PIGO: variants seen among roughly 807,000 people sequenced by gnomAD.
PIGO encodes phosphatidylinositol glycan anchor biosynthesis class O.
Under a neutral mutation model 86.9 loss-of-function variants are expected in PIGO, and 66 were observed. The ratio of observed to expected loss-of-function variants is 0.76; its 90% CI spans 0.62 to 0.93. The LOEUF (loss-of-function observed/expected upper bound fraction) is 0.93. Among genes scored for constraint, PIGO ranks in the 40% least tolerant of loss-of-function variants. The probability of loss-of-function intolerance (pLI) is 0.00; values close to 1 mark genes in which losing one functional copy is unlikely to be tolerated. For synonymous variants in PIGO, 570 were observed against 556.4 expected (o/e 1.02, Z -0.34); for missense variants, 1,202 against 1,359.1 (o/e 0.88, Z 1.82).
Position 35,089,011 on chromosome 9 carries a change from GATCATCC to G in PIGO, c.*74_*80del. 1 of 1,572,512 alleles carries G rather than the reference GATCATCC, an allele frequency of 6.4e-7. No individual in the cohort carries two copies. Reference sequence around the variant, plus strand: ...AGAGTATGGCTGAGCCTGTCTTGCAGATCATCCAGTACCTGTACAGGCCAGGCTACAC... The same window carrying G: ...AGAGTATGGCTGAGCCTGTCTTGCAGAGTACCTGTACAGGCCAGGCTACAC... On this transcript the variant is annotated 3_prime_UTR_variant, in exon 11 of 11. Transcript: ENST00000378617.
intron 8 of PIGO, 56 bp downstream of exon 8, chr9:35,090,410 T>C: frequency 6.4e-7 from 1 of 1,563,750 alleles, no homozygotes; most frequent in Non-Finnish European, 8.7e-7. Flanking sequence ...AGGGGTTTCC[T>C]TTCTTTCCAC....
At position 35,090,642 on chromosome 9, in the gene PIGO, G is replaced by A. The variant is rs1220682305; in HGVS notation, c.2678C>T (p.Ser893Leu). Reference protein sequence around the residue: ...GPFTVPWQAVSAWALMATQTF... With the variant: ...GPFTVPWQAVLAWALMATQTF... ...CTGTGTGGCCATGAGGGCCCAAGCC[G>A]AGACTGCCTGCCATGGCACAGTAAA... is the stretch of plus-strand genomic sequence containing the variant. The change falls in exon 8 of 11, where the codon TCG becomes TTG. Residue 893 changes from serine to leucine, a missense_variant. Coordinates refer to ENST00000378617, the MANE Select transcript of PIGO (RefSeq NM_032634.4). 8.1e-6 allele frequency: 13 copies of A among 1,614,142 alleles called. No homozygotes were observed. Among genetic ancestry groups the A allele is most frequent in the South Asian group, 1.1e-5 (1 of 91,074 alleles).
Position 35,093,489 on chromosome 9 carries a change from C to T in PIGO, c.871G>A (p.Glu291Lys), listed in dbSNP as rs750419706. The change falls in exon 5 of 11, where the codon GAG becomes AAG. Residue 291 changes from glutamate (E) to lysine (K), a missense_variant. Physicochemically the swap from Glu to Lys is moderately conservative, Grantham distance 56 (BLOSUM62 1). Transcript: ENST00000378617. ...TTNGDHGGDSELEVSAALFLY... is the reference protein window; with the variant it reads ...TTNGDHGGDSKLEVSAALFLY... ...AAGAGAGCAGCTGAGACCTCCAGCT[C>T]ACTGTCCCCTCCATGGTCTCCATTT... 2 of 1,614,146 alleles carry T rather than the reference C, an allele frequency of 1.2e-6. No homozygotes were observed. Among genetic ancestry groups the T allele is most frequent in the Non-Finnish European group, 1.7e-6 (2 of 1,180,016 alleles).
At position 35,094,209 on chromosome 9, in the gene PIGO, T is replaced by G. The variant is rs118002220; in HGVS notation, c.655+7A>C. 5.3e-4 allele frequency: 836 copies of G among 1,588,294 alleles called. No homozygotes were observed. Among genetic ancestry groups the G allele is most frequent in the South Asian group, 1.2e-3 (108 of 87,304 alleles). On this transcript the variant is annotated splice_region_variant and intron_variant, in intron 3 of 10. Transcript: ENST00000378617. ...CTTAGAACTAAGTGCTCTGGCCCCA[T>G]GCTCACTGGTGGGGTAGAGGTGTTC...
rs1297167899 is a variant in PIGO at position 35,092,933 on chromosome 9, G to A, written c.1119+97C>T. ...CGGAAGAGGGATAGGTATGGAAGGT[G>A]GGACTAAGACTAGTCAAAGGACAAA... is the stretch of plus-strand genomic sequence containing the variant. On this transcript the variant is annotated intron_variant, in intron 6 of 10. Transcript: ENST00000378617. 1.6e-5 allele frequency: 23 copies of A among 1,430,406 alleles called. 1 individual carries two copies. The highest frequency in any genetic ancestry group is 5.1e-4 in the Middle Eastern group (2 of 3,954). The allele number at this position is 1,430,406 out of a possible 1,614,324, so 88.6% of individuals were successfully genotyped here. A position where few individuals can be genotyped will look rare whatever the true frequency, so the allele number is the denominator to read the frequency against.
At position 35,095,052 on chromosome 9, in the gene PIGO, G is replaced by T; in HGVS notation, c.511+3C>A. On this transcript the variant is annotated splice_donor_region_variant and intron_variant, in intron 2 of 10. Coordinates refer to ENST00000378617, the MANE Select transcript of PIGO (RefSeq NM_032634.4). ...TCTGGCCTTCAAAGTGGCCCACACT[G>T]ACCTGCACTGGTGAGCTGCTTAATG... The T allele has an allele frequency of 1.3e-6, 2 of 1,592,070 alleles. No individual in the cohort carries two copies. The highest frequency in any genetic ancestry group is 2.3e-5 in the South Asian group (2 of 88,124).
At chr9:35,092,819 G>A in intron 6 of PIGO, 52 bp from the exon 7 acceptor site, 6 of 1,497,568 alleles carry the variant, frequency 4.0e-6, no homozygotes, top group Non-Finnish European at 5.4e-6. Flanking sequence ...GACATAAATT[G>A]GGGCAGAGGC....
At position 35,090,042 on chromosome 9, in the gene PIGO, C is replaced by G. The variant is rs1434066124; in HGVS notation, c.3069+24G>C. 3 of 1,598,962 alleles carry G rather than the reference C, an allele frequency of 1.9e-6. No individual in the cohort carries two copies. The South Asian group carries it at 3.3e-5, about 18-fold the overall frequency. ...CACACACAGAGAAAAAACACCAACT[C>G]CCTGATCTCTCTCCTACACCCACCT... On this transcript the variant is annotated intron_variant, in intron 9 of 10. Coordinates refer to ENST00000378617, the MANE Select transcript of PIGO (RefSeq NM_032634.4).
Position 35,091,963 on chromosome 9 carries a change from G to C in PIGO, c.1924C>G (p.Pro642Ala). Residue 642 changes from proline to alanine, a missense_variant, in exon 7 of 11, where the codon CCT (proline) becomes GCT (alanine). Transcript: ENST00000378617. ...TRLAGLFHRC[P>A]EETPVCHSSP... The stretch of plus-strand genomic sequence containing the variant: ...GAGTGGCAAACAGGTGTCTCTTCAG[G>C]GCAACGATGAAAAAGCCCAGCTAGC... 5 of 1,614,158 alleles carry C rather than the reference G, an allele frequency of 3.1e-6. No homozygotes were observed. The highest frequency in any genetic ancestry group is 4.2e-6 in the Non-Finnish European group (5 of 1,180,040).
At position 35,096,350 on chromosome 9, in the gene PIGO, C is replaced by G. The variant is rs892614316; in HGVS notation, c.-197G>C. 6.6e-6 allele frequency: 1 copy of G among 152,246 alleles called. No homozygotes were observed. The highest frequency in any genetic ancestry group is 1.9e-4 in the East Asian group (1 of 5,184). The allele number at this position is 152,246 out of a possible 1,614,324, so 9.4% of individuals were successfully genotyped here. A position where few individuals can be genotyped will look rare whatever the true frequency, so the allele number is the denominator to read the frequency against. ...GCACGACCTTCGCCACGCAAGGAGG[C>G]TGGGGCCCGGGTCGAGAGTCGACTG... On this transcript the variant is annotated 5_prime_UTR_variant, in exon 1 of 11. Coordinates refer to ENST00000378617, the MANE Select transcript of PIGO (RefSeq NM_032634.4).
intron 9 of PIGO, 36 bp from the exon 10 acceptor site, chr9:35,089,486 A>T: frequency 6.2e-7 from 1 of 1,613,868 alleles, no homozygotes; most frequent in Non-Finnish European, 8.5e-7. Context: ...TTACTTGTGA[A>T]GGAGAGGAGG....
Position 35,093,034 on chromosome 9 carries a change from T to C in PIGO, c.1115A>G (p.Gln372Arg), listed in dbSNP as rs773152918. ...AAACCCAGCCCGCTTACCTACCTGC[T>C]GAGCATTGAGATGGAGAGCTGAGGC... is the stretch of plus-strand genomic sequence containing the variant. ...AQASALHLNA[Q>R]QVSRFLHTYS... The change falls in exon 6 of 11, where the codon CAG becomes CGG. Residue 372 changes from glutamine (Q) to arginine (R), a missense_variant. Physicochemically the swap from Gln to Arg is conservative, Grantham distance 43. Transcript: ENST00000378617. The C allele has an allele frequency of 6.2e-6, 10 of 1,605,106 alleles. No homozygotes were observed. In the East Asian group the frequency reaches 2.2e-4, roughly 36 times the overall value.
In PIGO at chr9:35,093,583, G is replaced by A; in HGVS notation, c.780-3C>T. 2 of 1,596,804 alleles carry A rather than the reference G, an allele frequency of 1.3e-6. No individual in the cohort carries two copies. Among genetic ancestry groups the A allele is most frequent in the Non-Finnish European group, 1.7e-6 (2 of 1,172,922 alleles). ...TCTCCAGACGCTCCACAAGTCCCCT[G>A]GGGGCCAATAAATGTGTCAGGAGTA... On this transcript the variant is annotated splice_region_variant and splice_polypyrimidine_tract_variant and intron_variant, in intron 4 of 10. Coordinates refer to ENST00000378617, the MANE Select transcript of PIGO (RefSeq NM_032634.4).
At chr9:35,089,839 T>C in intron 9 of PIGO, 1 of 1,407,712 alleles carries the variant, frequency 7.1e-7, no homozygotes, top group Non-Finnish European at 9.2e-7. Flanking sequence ...CAAATGCAAC[T>C]AGCGGGGTCC....
chr9:35,090,438 T>C (rs1166947011), intron 8 of PIGO, 28 bp downstream of exon 8: 4 of 1,594,282 alleles, frequency 2.5e-6, no homozygotes, highest in Non-Finnish European at 1.7e-6. Flanking sequence ...GAGTAAACAA[T>C]GGAAGCAAGT....
chr9:35,092,556 G>A lies in PIGO; in HGVS notation c.1331C>T (p.Ala444Val). ...CGCCATGCGGACCAGAGAGAAACGA[G>A]CCCAAGACTCGATGCACATGGCCCG... Reference protein sequence around the residue: ...GARAMCIESWARFSLVRMAGG... With the variant: ...GARAMCIESWVRFSLVRMAGG... The change falls in exon 7 of 11, where the codon GCT (alanine) becomes GTT (valine). Residue 444 changes from alanine to valine, a missense_variant. Ala to Val is a moderately conservative substitution (Grantham distance 64). Coordinates refer to ENST00000378617, the MANE Select transcript of PIGO (RefSeq NM_032634.4). The A allele has an allele frequency of 2.5e-6, 4 of 1,614,222 alleles. No homozygotes were observed. Among genetic ancestry groups the A allele is most frequent in the Non-Finnish European group, 3.4e-6 (4 of 1,180,028 alleles).
Position 35,090,154 on chromosome 9 carries a change from A to G in PIGO, c.2981T>C (p.Met994Thr), listed in dbSNP as rs147155365. The change falls in exon 9 of 11, where the codon ATG (methionine) becomes ACG (threonine). Residue 994 changes from methionine (M) to threonine (T), a missense_variant. Coordinates refer to ENST00000378617, the MANE Select transcript of PIGO (RefSeq NM_032634.4). Reference protein sequence around the residue: ...VRPEEEEEPLMEMRLRDAPQH... With the variant: ...VRPEEEEEPLTEMRLRDAPQH... ...AGGCGCATCCCGGAGCCGCATCTCC[A>G]TCAGTGGCTCCTCTTCCTCCTCGGG... 3.7e-6 allele frequency: 6 copies of G among 1,614,144 alleles called. No individual in the cohort carries two copies. In the African/African-American group the frequency reaches 6.7e-5, roughly 18 times the overall value.
In PIGO at chr9:35,091,848, A is replaced by G. The variant is rs766592273; in HGVS notation, c.2039T>C (p.Leu680Pro). Reference sequence around the variant, plus strand: ...AAGCCACAAGCGCACGGCAGCTAACAGGGCCACCAGCGCCGCCACACAAGC... The same window carrying G: ...AAGCCACAAGCGCACGGCAGCTAACGGGGCCACCAGCGCCGCCACACAAGC... ...YGACVAALVA[L>P]LAAVRLWLRR... The change falls in exon 7 of 11, where the codon CTG (leucine) becomes CCG (proline). Residue 680 changes from leucine (L) to proline (P), a missense_variant. Coordinates refer to ENST00000378617, the MANE Select transcript of PIGO (RefSeq NM_032634.4). 1.5e-5 allele frequency: 25 copies of G among 1,613,996 alleles called. No homozygotes were observed. The highest frequency in any genetic ancestry group is 1.9e-5 in the Non-Finnish European group (23 of 1,180,050).
At position 35,089,030 on chromosome 9, in the gene PIGO, A is replaced by G. The variant is rs1240110322; in HGVS notation, c.*62T>C. ...CTTGCAGATCATCCAGTACCTGTAC[A>G]GGCCAGGCTACACTGTTCTCAAGCA... On this transcript the variant is annotated 3_prime_UTR_variant, in exon 11 of 11. Transcript: ENST00000378617. The G allele has an allele frequency of 6.2e-7, 1 of 1,606,616 alleles. No individual in the cohort carries two copies. The highest frequency in any genetic ancestry group is 1.3e-5 in the African/African-American group (1 of 74,902).
Sources: allele counts gnomAD v4.1 joint callset, GRCh38; gene constraint gnomAD v4.1.1; transcripts MANE v1.5; gene names NCBI Gene and HGNC (gene_info 2026-07-23, HGNC 2026-07-21).